Variants in CADPS2 observed in about 807,000 individuals in gnomAD.
The protein encoded by CADPS2 is calcium-dependent secretion activator 2.
A neutral mutation model predicts 172.5 loss-of-function variants in CADPS2; 93 were observed. The observed-to-expected ratio is 0.54, with a 90% confidence interval of 0.46 to 0.64. The LOEUF is 0.64. CADPS2 is among the 30% of genes least tolerant of loss of function. CADPS2 has a pLI of 0.00. For missense variants in CADPS2, 1,420 were observed against 1,565.9 expected, an observed-to-expected ratio of 0.91 and a Z score of 1.57; for synonymous variants, 546 against 555.2, an observed-to-expected ratio of 0.98 and a Z score of 0.23.
At chr7:122,476,857 A>G (rs1229777235) in intron 12 of CADPS2, among the ~76,000 whole-genome samples, 1 of 152,042 alleles carries the variant, frequency 6.6e-6, no homozygotes, top group Non-Finnish European at 1.5e-5. Context: ...CACCATTTAG[A>G]ACATTTCATG....
At chr7:122,601,314 T>C (rs531104708) in intron 6 of CADPS2, among the ~76,000 whole-genome samples, 3 of 152,124 alleles carry the variant, frequency 2.0e-5, no homozygotes, top group Non-Finnish European at 4.4e-5. Flanking sequence ...AAGTTAAACA[T>C]TAGAACACAG....
At chr7:122,565,218 G>A (rs2066299207) in intron 7 of CADPS2, among the ~76,000 whole-genome samples, 1 of 147,440 alleles carries the variant, frequency 6.8e-6, no homozygotes, top group South Asian at 2.2e-4. Flanking sequence ...TATACCCCCT[G>A]AATTTATAGA....
chr7:122,727,174 T>C (rs912897861), intron 2 of CADPS2, among the ~76,000 whole-genome samples: 1 of 151,982 alleles, frequency 6.6e-6, no homozygotes, highest in East Asian at 1.9e-4. Context: ...GGTATGAGCG[T>C]AAATTCTTTC....
chr7:122,401,205 T>C (rs1157246064), intron 20 of CADPS2, among the ~76,000 whole-genome samples: 1 of 152,226 alleles, frequency 6.6e-6, no homozygotes, highest in Non-Finnish European at 1.5e-5. Context: ...TCACTTAGTG[T>C]AGAGCAGGAA....
chr7:122,350,575 T>C (rs2038397239), intron 27 of CADPS2, among the ~76,000 whole-genome samples: 1 of 152,162 alleles, frequency 6.6e-6, no homozygotes, highest in Non-Finnish European at 1.5e-5. Context: ...TTTTACAAAG[T>C]AGATTATATT....
chr7:122,321,923 T>C (rs2032635011), intron 29 of CADPS2, among the ~76,000 whole-genome samples: 1 of 152,228 alleles, frequency 6.6e-6, no homozygotes, highest in Non-Finnish European at 1.5e-5. Flanking sequence ...GATATTTCAT[T>C]TTGTGGGATA....
At chr7:122,409,017 C>A (rs984155308) in intron 19 of CADPS2, among the ~76,000 whole-genome samples, 1 of 152,086 alleles carries the variant, frequency 6.6e-6, no homozygotes, top group Non-Finnish European at 1.5e-5. Flanking sequence ...AATGCTGTGA[C>A]CAATATATGA....
At chr7:122,550,502 T>C (rs2064140279) in intron 8 of CADPS2, among the ~76,000 whole-genome samples, 1 of 152,200 alleles carries the variant, frequency 6.6e-6, no homozygotes, top group Admixed American at 6.5e-5. Context: ...TCATAGATCA[T>C]GGTCATAATG....
chr7:122,469,548 A>G (rs1184765706), intron 14 of CADPS2, among the ~76,000 whole-genome samples: 1 of 152,144 alleles, frequency 6.6e-6, no homozygotes, highest in Non-Finnish European at 1.5e-5. Flanking sequence ...AGTGTGAGAT[A>G]GTGGGGAAAA....
chr7:122,518,764 A>T (rs1192291175), intron 8 of CADPS2, among the ~76,000 whole-genome samples: 1 of 152,062 alleles, frequency 6.6e-6, no homozygotes, highest in Non-Finnish European at 1.5e-5. Context: ...CACACATTTA[A>T]CTGGGTTTTA....
At chr7:122,631,953 G>A (rs1271990009) in intron 3 of CADPS2, among the ~76,000 whole-genome samples, 2 of 152,110 alleles carry the variant, frequency 1.3e-5, no homozygotes, top group Admixed American at 6.5e-5. Context: ...TTGGTTTTAT[G>A]TTAAGGTGCT....
chr7:122,551,120 C>T (rs1322966788), intron 8 of CADPS2, among the ~76,000 whole-genome samples: 1 of 151,826 alleles, frequency 6.6e-6, no homozygotes, highest in Non-Finnish European at 1.5e-5. Flanking sequence ...TGCATTTTAC[C>T]TTCTGGTTTA....
chr7:122,352,326 G>A (rs2038793227), intron 27 of CADPS2, among the ~76,000 whole-genome samples: 1 of 152,180 alleles, frequency 6.6e-6, no homozygotes, highest in African/African-American at 2.4e-5. Context: ...ACTTGAAGAA[G>A]TAAAATTAAA....
chr7:122,327,122 C>T (rs1036521478), intron 28 of CADPS2, among the ~76,000 whole-genome samples: 1 of 151,990 alleles, frequency 6.6e-6, no homozygotes, highest in Non-Finnish European at 1.5e-5. Context: ...CAGTCATACT[C>T]CAAAATCCTT....
At chr7:122,682,959 C>T (rs889171979) in intron 2 of CADPS2, among the ~76,000 whole-genome samples, 1 of 152,196 alleles carries the variant, frequency 6.6e-6, no homozygotes, top group Admixed American at 6.5e-5. Flanking sequence ...CTGGAACAAA[C>T]GATTGCTGGA....
At chr7:122,527,603 AGAGAGAGAGAGAGAGT>A (rs1225442060) in intron 8 of CADPS2, among the ~76,000 whole-genome samples, 33 of 122,234 alleles carry the variant, frequency 2.7e-4, no homozygotes, top group African/African-American at 1.1e-3. Context: ...AGAGAGAGAG[AGAGAGAGAGAGAGAGT>A]GTGTGTGTGT....
chr7:122,639,344 A>G (rs1383030917), intron 3 of CADPS2, among the ~76,000 whole-genome samples: 2 of 152,202 alleles, frequency 1.3e-5, no homozygotes, highest in African/African-American at 4.8e-5. Flanking sequence ...GCAGAATTCA[A>G]CTGAGACAAT....
At chr7:122,670,555 T>G (rs1456455266) in intron 2 of CADPS2, among the ~76,000 whole-genome samples, 1 of 151,638 alleles carries the variant, frequency 6.6e-6, no homozygotes, top group African/African-American at 2.4e-5. Context: ...GGGAGTCCAG[T>G]GGCAACATCT....
chr7:122,446,843 T>C (rs1348818496), intron 15 of CADPS2, among the ~76,000 whole-genome samples: 2 of 152,174 alleles, frequency 1.3e-5, no homozygotes, highest in East Asian at 1.9e-4. Flanking sequence ...AATGCTCTTC[T>C]GGCAGTAAGC....
Sources: gnomAD v4.1 joint callset for allele counts (sites outside exome capture counted in the v4.1 genomes callset) on GRCh38, gnomAD v4.1.1 for gene constraint, MANE v1.5 for transcripts, NCBI Gene and HGNC (gene_info 2026-07-23, HGNC 2026-07-21) for gene names.